DONSON: variants seen among roughly 807,000 people sequenced by gnomAD.
DONSON encodes protein downstream neighbor of Son.
DONSON carries 43 observed loss-of-function variants against 62.1 expected under a neutral mutation model. The observed-to-expected ratio is 0.69, with a 90% CI of 0.54 to 0.89. The LOEUF is 0.89. DONSON is among the 40% of genes least tolerant of loss of function. The pLI, the probability that DONSON is intolerant of heterozygous loss-of-function variation, is 0.00. For synonymous variants in DONSON, 266 were observed against 264.6 expected, an observed-to-expected ratio of 1.01 and a Z score of -0.05; for missense variants, 696 against 697.5, an observed-to-expected ratio of 1.00 and a Z score of 0.03.
chr21:33,582,047 G>A lies in DONSON; in HGVS notation c.1055C>T (p.Ala352Val). ...GTSLGYGEEQ[A>V]ISDEDEEESF... ...TTCCTCTTCATCCTCATCACTGATGGCTTGCTCCCTAGGAAATTGCTACAG... is the reference window on the plus strand; with the variant it reads ...TTCCTCTTCATCCTCATCACTGATGACTTGCTCCCTAGGAAATTGCTACAG... The change falls in exon 7 of 10, where the codon GCC becomes GTC. Residue 352 changes from alanine (A) to valine (V), a missense_variant. Transcript: ENST00000303071. 2 of 1,613,992 alleles carry A rather than the reference G, an allele frequency of 1.2e-6. No homozygotes were observed. The highest frequency in any genetic ancestry group is 1.7e-6 in the Non-Finnish European group (2 of 1,179,972).
chr21:33,585,178 T>C (rs1323434299), intron 3 of DONSON, among the ~76,000 whole-genome samples: 1 of 152,134 alleles, frequency 6.6e-6, no homozygotes, highest in Non-Finnish European at 1.5e-5. Flanking sequence ...ATGTATAATA[T>C]ACCAAGACCT....
At chr21:33,581,013 G>C (rs2086502396) in intron 8 of DONSON, among the ~76,000 whole-genome samples, 1 of 152,084 alleles carries the variant, frequency 6.6e-6, no homozygotes, top group South Asian at 2.1e-4. Context: ...CGGGAGGCAG[G>C]GGTTGCAGTG....
At chr21:33,585,888 A>C (rs953517829) in intron 3 of DONSON, 90 bp downstream of exon 3, 4 of 1,242,850 alleles carry the variant, frequency 3.2e-6, no homozygotes, top group Non-Finnish European at 3.5e-6. Context: ...AGAAAAACTT[A>C]ATGGAAGGCA....
At position 33,586,137 on chromosome 21, in the gene DONSON, T is replaced by C; in HGVS notation, c.447A>G (p.Lys149=). ...SFSEPDIPSS[K]STELPVDWSI... is the part of the protein sequence containing the mutation. The stretch of plus-strand genomic sequence containing the variant: ...TCCAGTCCACAGGTAACTCAGTACT[T>C]TTTGAGGACGGAATATCAGGCTCGG... Residue 149 remains lysine (K), a synonymous_variant, in exon 3 of 10, where the codon AAA becomes AAG. Transcript: ENST00000303071. 1 of 1,614,132 alleles carries C rather than the reference T, an allele frequency of 6.2e-7. No homozygotes were observed. Among genetic ancestry groups the C allele is most frequent in the Non-Finnish European group, 8.5e-7 (1 of 1,180,010 alleles).
intron 8 of DONSON, among the ~76,000 whole-genome samples, chr21:33,580,283 G>A (rs1431686353): frequency 6.9e-6 from 1 of 145,190 alleles, no homozygotes; most frequent in Non-Finnish European, 1.5e-5. Flanking sequence ...GGGCGGCCAG[G>A]TGCAGTGGCT....
At chr21:33,587,158 G>A (rs2086586492) in intron 2 of DONSON, among the ~76,000 whole-genome samples, 1 of 152,218 alleles carries the variant, frequency 6.6e-6, no homozygotes, top group South Asian at 2.1e-4. Context: ...ACGAGGTTCA[G>A]TGCTATGCCA....
intron 4 of DONSON, among the ~76,000 whole-genome samples, 181 bp from the exon 5 acceptor site, chr21:33,583,847 G>A (rs1263139242): frequency 6.6e-6 from 1 of 151,720 alleles, no homozygotes; most frequent in Non-Finnish European, 1.5e-5. Flanking sequence ...ATGAGGACTC[G>A]CTGATGACTT....
intron 3 of DONSON, among the ~76,000 whole-genome samples, chr21:33,585,012 G>T (rs539917753): frequency 3.3e-5 from 5 of 152,222 alleles, no homozygotes; most frequent in African/African-American, 7.2e-5. Context: ...CCATCCTTAA[G>T]GACAATGACT....
At position 33,577,703 on chromosome 21, in the gene DONSON, CCCT is replaced by C. The variant is rs1569073304; in HGVS notation, c.*601_*603del. On this transcript the variant is annotated 3_prime_UTR_variant, in exon 10 of 10. Coordinates refer to ENST00000303071, the MANE Select transcript of DONSON (RefSeq NM_017613.4). ...CACACACACACACACACACACACAC[CCCT>C]ATAAGCACATTAAATACTACTTTGC... 1.4e-4 allele frequency: 19 copies of C among 133,578 alleles called. No individual in the cohort carries two copies. Among genetic ancestry groups the C allele is most frequent in the African/African-American group, 5.5e-4 (19 of 34,760 alleles). 8.3% of individuals were successfully genotyped at this position (133,578 alleles called of 1,614,324 possible). A position where few individuals can be genotyped will look rare whatever the true frequency, so the allele number is the denominator to read the frequency against.
intron 5 of DONSON, 105 bp from the exon 6 acceptor site, chr21:33,582,351 A>C: frequency 1.1e-6 from 1 of 870,518 alleles, no homozygotes; most frequent in Non-Finnish European, 1.8e-6. Context: ...TTTACAAATG[A>C]TCTATTAAGG....
intron 5 of DONSON, among the ~76,000 whole-genome samples, 165 bp from the exon 6 acceptor site, chr21:33,582,411 G>A (rs943146547): frequency 3.3e-5 from 5 of 152,116 alleles, no homozygotes; most frequent in Non-Finnish European, 5.9e-5. Context: ...TGCATAAAAC[G>A]TATTCTCCTT....
In DONSON at chr21:33,588,665, C is replaced by G; in HGVS notation, c.-24G>C. On this transcript the variant is annotated 5_prime_UTR_variant, in exon 1 of 10. Transcript: ENST00000303071. ...ATGACGCGCGGCGGCTGAGGGTAGC[C>G]GGCCGCCCTACAGAGACTTCCCGCG... is the stretch of plus-strand genomic sequence containing the variant. 2 of 1,229,470 alleles carry G rather than the reference C, an allele frequency of 1.6e-6. No individual in the cohort carries two copies. The highest frequency in any genetic ancestry group is 7.5e-5 in the South Asian group (2 of 26,802). The allele number at this position is 1,229,470 out of a possible 1,614,324, so 76.2% of individuals were successfully genotyped here. A position where few individuals can be genotyped will look rare whatever the true frequency, so the allele number is the denominator to read the frequency against.
intron 8 of DONSON, among the ~76,000 whole-genome samples, chr21:33,580,234 A>C (rs2086489690): frequency 7.3e-6 from 1 of 137,632 alleles, no homozygotes; most frequent in South Asian, 2.4e-4. Flanking sequence ...GTCTCTAAAT[A>C]GATAGATGAA....
Position 33,579,425 on chromosome 21 carries a change from G to GA in DONSON, c.1487dup (p.Ser497LeufsTer14), listed in dbSNP as rs1450835871. On this transcript the variant is annotated frameshift_variant, in exon 9 of 10. Transcript: ENST00000303071. LOFTEE classifies it high-confidence loss of function. ...GCTCGTGTGGATACAGTACTGCAGAGAAAGATCCACTCTGTGAAGATTTGA... is the reference window on the plus strand; with the variant it reads ...GCTCGTGTGGATACAGTACTGCAGAGAAAAGATCCACTCTGTGAAGATTTGA... 6.2e-7 allele frequency: 1 copy of GA among 1,614,180 alleles called. No homozygotes were observed. The highest frequency in any genetic ancestry group is 1.7e-5 in the Admixed American group (1 of 60,016).
At position 33,581,282 on chromosome 21, in the gene DONSON, G is replaced by GT. The variant is rs1419156654; in HGVS notation, c.1350+19dup. Reference sequence around the variant, plus strand: ...AAGTAAAGTACTTCTTAAAAGCTAGGTTATGCAGACTTTTATTACCTTAAG... The same window carrying GT: ...AAGTAAAGTACTTCTTAAAAGCTAGGTTTATGCAGACTTTTATTACCTTAAG... On this transcript the variant is annotated intron_variant, in intron 8 of 9. Coordinates refer to ENST00000303071, the MANE Select transcript of DONSON (RefSeq NM_017613.4). The GT allele has an allele frequency of 6.2e-7, 1 of 1,609,720 alleles. No homozygotes were observed. Among genetic ancestry groups the GT allele is most frequent in the African/African-American group, 1.3e-5 (1 of 74,726 alleles).
intron 2 of DONSON, 51 bp downstream of exon 2, chr21:33,587,469 TGA>T: frequency 1.4e-6 from 2 of 1,474,564 alleles, no homozygotes; most frequent in Admixed American, 2.4e-5. Flanking sequence ...TCAAATCCTA[TGA>T]AAAAAAAGTT....
intron 8 of DONSON, among the ~76,000 whole-genome samples, chr21:33,580,235 G>GATAGATGA (rs765315540): frequency 2.2e-5 from 3 of 135,796 alleles, no homozygotes; most frequent in Admixed American, 7.5e-5. Context: ...TCTCTAAATA[G>GATAGATGA]ATAGATGAAT....
intron 1 of DONSON, 87 bp downstream of exon 1, chr21:33,588,234 A>C: frequency 9.3e-7 from 1 of 1,072,870 alleles, no homozygotes; most frequent in Non-Finnish European, 1.2e-6. Context: ...CTTGCCTCGA[A>C]CGCGAGGACT....
chr21:33,581,131 T>C (rs1031110144), intron 8 of DONSON, 171 bp downstream of exon 8: 6 of 569,290 alleles, frequency 1.1e-5, no homozygotes, highest in African/African-American at 9.3e-5. Flanking sequence ...TTCCACATAA[T>C]TTCTTTGATA....
Sources: gnomAD v4.1 joint callset for allele counts (sites outside exome capture counted in the v4.1 genomes callset) on GRCh38, gnomAD v4.1.1 for gene constraint, MANE v1.5 for transcripts, NCBI Gene and HGNC (gene_info 2026-07-23, HGNC 2026-07-21) for gene names.